Variants in GRID2 observed in about 807,000 individuals in gnomAD.
GRID2 encodes glutamate receptor ionotropic, delta-2.
A neutral mutation model predicts 114.8 loss-of-function variants in GRID2; 33 were observed. The ratio of observed to expected loss-of-function variants is 0.29; its 90% CI spans 0.22 to 0.38. GRID2 has a LOEUF of 0.38. GRID2 is among the 10% of genes least tolerant of loss of function. The probability of loss-of-function intolerance (pLI) is 1.00; values close to 1 mark genes in which losing one functional copy is unlikely to be tolerated. For synonymous variants in GRID2, 505 were observed against 449.9 expected, an observed-to-expected ratio of 1.12 and a Z score of -1.55; for missense variants, 1,184 against 1,257.7, an observed-to-expected ratio of 0.94 and a Z score of 0.89.
At chr4:93,412,230 C>T (rs903788273) in intron 9 of GRID2, among the ~76,000 whole-genome samples, 7 of 117,630 alleles carry the variant, frequency 6.0e-5, no homozygotes, top group Non-Finnish European at 6.7e-5. Context: ...TAAGACCCAT[C>T]CCCCCCCCCC....
intron 2 of GRID2, among the ~76,000 whole-genome samples, chr4:92,886,871 C>T (rs1181229066): frequency 4.6e-5 from 7 of 152,088 alleles, no homozygotes; most frequent in Non-Finnish European, 1.0e-4. Flanking sequence ...GTGATCCACC[C>T]GCCTCGGCCT....
chr4:93,050,886 C>A (rs1260612738), intron 2 of GRID2, among the ~76,000 whole-genome samples: 1 of 151,990 alleles, frequency 6.6e-6, no homozygotes, highest in Non-Finnish European at 1.5e-5. Context: ...CTCCAACAGG[C>A]GTTGCAGCAT....
At chr4:93,432,879 TAGAG>T (rs1433161561) in intron 10 of GRID2, among the ~76,000 whole-genome samples, 1 of 151,846 alleles carries the variant, frequency 6.6e-6, no homozygotes, top group Non-Finnish European at 1.5e-5. Flanking sequence ...CTGAGCAACA[TAGAG>T]AGACCTCCAC....
intron 14 of GRID2, among the ~76,000 whole-genome samples, chr4:93,709,711 C>G (rs1010054957): frequency 6.6e-6 from 1 of 152,158 alleles, no homozygotes; most frequent in African/African-American, 2.4e-5. Context: ...AGGCCAATAA[C>G]TTAGATTTGC....
downstream of GRID2, among the ~76,000 whole-genome samples, chr4:93,775,738 C>T (rs899661094): frequency 2.0e-5 from 3 of 152,190 alleles, no homozygotes; most frequent in African/African-American, 7.2e-5. Context: ...CACTGTACCA[C>T]ATCAGAACTT....
At chr4:92,631,003 G>C (rs575440570) in intron 2 of GRID2, among the ~76,000 whole-genome samples, 1 of 150,310 alleles carries the variant, frequency 6.7e-6, no homozygotes, top group Non-Finnish European at 1.5e-5. Context: ...GAGTATTAAT[G>C]AGTATAATGA....
At chr4:93,686,883 C>T (rs76444155) in intron 14 of GRID2, among the ~76,000 whole-genome samples, 6,255 of 151,932 alleles carry the variant, frequency 0.041, 196 homozygotes, top group African/African-American at 0.081. Flanking sequence ...CTCTGGAGGC[C>T]ACTATAAGGA....
At chr4:93,083,801 A>G (rs1322527522) in intron 2 of GRID2, among the ~76,000 whole-genome samples, 1 of 151,892 alleles carries the variant, frequency 6.6e-6, no homozygotes, top group Non-Finnish European at 1.5e-5. Flanking sequence ...GTCTCAAATA[A>G]TTATTCATTA....
intron 14 of GRID2, among the ~76,000 whole-genome samples, chr4:93,660,785 C>G (rs1032565399): frequency 6.6e-6 from 1 of 152,042 alleles, no homozygotes; most frequent in Non-Finnish European, 1.5e-5. Context: ...GCAGCATGAG[C>G]CTTATGTTTT....
intron 2 of GRID2, among the ~76,000 whole-genome samples, chr4:92,906,435 GC>G (rs1282651362): frequency 1.6e-5 from 2 of 124,830 alleles, no homozygotes; most frequent in African/African-American, 5.6e-5. Context: ...CCAAAGGAGA[GC>G]TGAATTTTAG....
intron 4 of GRID2, among the ~76,000 whole-genome samples, chr4:93,144,764 A>C (rs1179836153): frequency 2.6e-5 from 4 of 152,112 alleles, no homozygotes; most frequent in Non-Finnish European, 4.4e-5. Context: ...ATATTTCTTC[A>C]TCAAAATACT....
intron 2 of GRID2, among the ~76,000 whole-genome samples, chr4:92,918,566 T>G (rs1378363664): frequency 6.6e-6 from 1 of 152,192 alleles, no homozygotes; most frequent in Non-Finnish European, 1.5e-5. Flanking sequence ...CATGAAGGGT[T>G]GTTGAATTTT....
chr4:92,723,713 G>A (rs1028455898), intron 2 of GRID2, among the ~76,000 whole-genome samples: 12 of 152,094 alleles, frequency 7.9e-5, no homozygotes, highest in Admixed American at 5.3e-4. Flanking sequence ...TGGCCAGGAT[G>A]TAGCCACTTT....
chr4:93,316,840 T>G (rs1202633958), intron 8 of GRID2, among the ~76,000 whole-genome samples: 2 of 152,120 alleles, frequency 1.3e-5, no homozygotes, highest in Admixed American at 1.3e-4. Flanking sequence ...AGCCAATGTT[T>G]CCTTTCAAAC....
At chr4:92,776,126 G>A (rs1738781222) in intron 2 of GRID2, among the ~76,000 whole-genome samples, 1 of 152,080 alleles carries the variant, frequency 6.6e-6, no homozygotes, top group African/African-American at 2.4e-5. Flanking sequence ...GTATATGTAT[G>A]AGTGTGTGTT....
At chr4:92,826,291 G>T (rs1741692514) in intron 2 of GRID2, among the ~76,000 whole-genome samples, 2 of 152,026 alleles carry the variant, frequency 1.3e-5, no homozygotes, top group African/African-American at 4.8e-5. Flanking sequence ...ATAGCTTCAT[G>T]GATTGATTCC....
At chr4:93,562,194 GAGT>G (rs1294159902) in intron 13 of GRID2, among the ~76,000 whole-genome samples, 2 of 134,228 alleles carry the variant, frequency 1.5e-5, no homozygotes, top group South Asian at 2.3e-4. Context: ...GGTTTTGTCA[GAGT>G]TTTTTTTTTT....
intron 14 of GRID2, among the ~76,000 whole-genome samples, chr4:93,732,441 G>A (rs1730566392): frequency 1.3e-5 from 2 of 152,144 alleles, no homozygotes. Context: ...ATACAACTCA[G>A]CAGGTTTATG....
intron 2 of GRID2, among the ~76,000 whole-genome samples, chr4:92,985,600 C>T (rs186255528): frequency 5.3e-5 from 8 of 152,218 alleles, no homozygotes; most frequent in Non-Finnish European, 1.0e-4. Flanking sequence ...CCCCTCTTCT[C>T]TCCTGAAAGC....
Sources: gnomAD v4.1 joint callset for allele counts (sites outside exome capture counted in the v4.1 genomes callset) on GRCh38, gnomAD v4.1.1 for gene constraint, MANE v1.5 for transcripts, NCBI Gene and HGNC (gene_info 2026-07-23, HGNC 2026-07-21) for gene names.